TIA1: variants seen among roughly 807,000 people sequenced by gnomAD.
TIA1 encodes the protein cytotoxic granule associated RNA binding protein TIA1.
A neutral mutation model predicts 65.9 loss-of-function variants in TIA1; 23 were observed. The observed-to-expected ratio is 0.35, with a 90% CI of 0.25 to 0.49. The LOEUF (loss-of-function observed/expected upper bound fraction) is 0.49, where lower values mean the gene tolerates loss of function less well. TIA1 is among the 20% of genes least tolerant of loss of function. TIA1 has a pLI of 0.98. For synonymous variants in TIA1, 147 were observed against 149.4 expected, an observed-to-expected ratio of 0.98 and a Z score of 0.12; for missense variants, 371 against 477.9, an observed-to-expected ratio of 0.78 and a Z score of 2.09.
chr2:70,239,251 C>A (rs549311139), intron 1 of TIA1, among the ~76,000 whole-genome samples: 1 of 152,072 alleles, frequency 6.6e-6, no homozygotes, highest in Admixed American at 6.6e-5. Flanking sequence ...CGCCACCACG[C>A]CCGGCTAGTT....
intron 1 of TIA1, among the ~76,000 whole-genome samples, chr2:70,238,260 GTTTTTTTTTTTTTT>G (rs763865705): frequency 2.1e-5 from 2 of 94,616 alleles, no homozygotes; most frequent in African/African-American, 8.9e-5. Context: ...GTTCCCCCAA[GTTTTTTTTTTTTTT>G]TTTTTTTTTT....
intron 1 of TIA1, 26 bp from the exon 2 acceptor site, chr2:70,236,201 CCT>C (rs1491439500): frequency 4.8e-6 from 7 of 1,469,494 alleles, no homozygotes; most frequent in Non-Finnish European, 5.6e-6. Context: ...AAACAATTTA[CCT>C]TTTTTTTTTT....
chr2:70,247,186 A>G (rs1337272210), intron 1 of TIA1, among the ~76,000 whole-genome samples: 1 of 152,186 alleles, frequency 6.6e-6, no homozygotes, highest in Non-Finnish European at 1.5e-5. Flanking sequence ...CCTACTGAAA[A>G]GATACTTTCT....
intron 1 of TIA1, among the ~76,000 whole-genome samples, chr2:70,244,073 G>C (rs976666003): frequency 6.6e-6 from 1 of 152,024 alleles, no homozygotes; most frequent in African/African-American, 2.4e-5. Flanking sequence ...TTATCATTCT[G>C]ACCTCATTTC....
chr2:70,243,356 G>A (rs919540050), intron 1 of TIA1, among the ~76,000 whole-genome samples: 1 of 152,178 alleles, frequency 6.6e-6, no homozygotes, highest in Non-Finnish European at 1.5e-5. Context: ...GAGCCTGAGA[G>A]GTCGAGGCTA....
chr2:70,239,761 CAAAAG>C (rs1260210804), intron 1 of TIA1, among the ~76,000 whole-genome samples: 1 of 152,116 alleles, frequency 6.6e-6, no homozygotes, highest in Non-Finnish European at 1.5e-5. Flanking sequence ...TAATGGTACT[CAAAAG>C]AGAAAGTAAC....
intron 1 of TIA1, among the ~76,000 whole-genome samples, chr2:70,244,856 AAGAT>A (rs1693588249): frequency 2.7e-5 from 4 of 150,438 alleles, no homozygotes; most frequent in African/African-American, 9.8e-5. Context: ...AAAAAAAAAA[AAGAT>A]AGGTCTGATT....
At chr2:70,213,866 G>A (rs1185876365) in intron 12 of TIA1, among the ~76,000 whole-genome samples, 1 of 152,102 alleles carries the variant, frequency 6.6e-6, no homozygotes, top group Non-Finnish European at 1.5e-5. Flanking sequence ...TGGCCAGGCT[G>A]GTCGCAAACT....
chr2:70,234,908 A>C (rs1022719653), intron 2 of TIA1, among the ~76,000 whole-genome samples: 2 of 152,172 alleles, frequency 1.3e-5, no homozygotes, highest in Non-Finnish European at 2.9e-5. Context: ...GAACTGGAAT[A>C]CAACAGGAAA....
intron 6 of TIA1, among the ~76,000 whole-genome samples, chr2:70,226,424 G>A (rs1400610942): frequency 6.6e-6 from 1 of 152,076 alleles, no homozygotes; most frequent in African/African-American, 2.4e-5. Context: ...CACAATGTTA[G>A]AAAATTTTTT....
chr2:70,214,647 A>AC (rs1677792987), intron 11 of TIA1, among the ~76,000 whole-genome samples, 153 bp from the exon 12 acceptor site: 1 of 151,304 alleles, frequency 6.6e-6, no homozygotes, highest in Admixed American at 6.7e-5. Flanking sequence ...AAAAAAAAAA[A>AC]AAAAAAAAAA....
chr2:70,244,637 C>T (rs1693419164), intron 1 of TIA1, among the ~76,000 whole-genome samples: 1 of 151,836 alleles, frequency 6.6e-6, no homozygotes, highest in South Asian at 2.1e-4. Context: ...AGATCGAGAC[C>T]ATCCTGGCTA....
Position 70,211,098 on chromosome 2 carries a change from C to T in TIA1, c.*1621G>A, listed in dbSNP as rs1023130385. 34 of 152,240 alleles carry T rather than the reference C, an allele frequency of 2.2e-4. No homozygotes were observed. The highest frequency in any genetic ancestry group is 3.4e-3 in the Middle Eastern group (1 of 294). The allele number at this position is 152,240 out of a possible 1,614,324, so 9.4% of individuals were successfully genotyped here. ...CTGTTTCTAGGTAAAATGCAGGGAG[C>T]TCCCTGAAGGTCTTGAAAACCATCA... On this transcript the variant is annotated 3_prime_UTR_variant, in exon 13 of 13. Transcript: ENST00000433529.
intron 8 of TIA1, 62 bp from the exon 9 acceptor site, chr2:70,216,561 T>C (rs1238419744): frequency 1.0e-5 from 15 of 1,468,282 alleles, no homozygotes; most frequent in African/African-American, 2.8e-5. Context: ...AAGAGAAAAG[T>C]AGCATTCACT....
chr2:70,229,412 G>C (rs1325312381), intron 3 of TIA1, 94 bp from the exon 4 acceptor site: 1 of 1,070,092 alleles, frequency 9.3e-7, no homozygotes, highest in Non-Finnish European at 1.4e-6. Context: ...ATCTGTTTAA[G>C]ATGAAACACT....
intron 10 of TIA1, 24 bp downstream of exon 10, chr2:70,216,184 G>A (rs1553427071): frequency 6.7e-7 from 1 of 1,496,732 alleles, no homozygotes; most frequent in Non-Finnish European, 8.9e-7. Context: ...CAAGAAAAAT[G>A]TTTTTTTAAA....
rs1051707381 is a variant in TIA1, at chr2:70,212,238, A to G, written c.*481T>C. On this transcript the variant is annotated 3_prime_UTR_variant, in exon 13 of 13. Transcript: ENST00000433529. Reference sequence around the variant, plus strand: ...ACAGTGGAGATGGGACAGCTCAAACAATGCCTTTTTTTAACCTAAAACAGA... The same window carrying G: ...ACAGTGGAGATGGGACAGCTCAAACGATGCCTTTTTTTAACCTAAAACAGA... 3 of 153,658 alleles carry G rather than the reference A, an allele frequency of 2.0e-5. No homozygotes were observed. The highest frequency in any genetic ancestry group is 4.4e-5 in the Non-Finnish European group (3 of 68,654). The allele number at this position is 153,658 out of a possible 1,614,324, so 9.5% of individuals were successfully genotyped here.
At chr2:70,234,736 A>G (rs957081617) in intron 2 of TIA1, among the ~76,000 whole-genome samples, 7 of 151,976 alleles carry the variant, frequency 4.6e-5, no homozygotes. Flanking sequence ...TAATTTTGGT[A>G]TTTTTAGTAG....
Position 70,212,873 on chromosome 2 carries a change from G to A in TIA1, c.1035-28C>T, listed in dbSNP as rs199993142. 7.0e-5 allele frequency: 104 copies of A among 1,496,110 alleles called. No homozygotes were observed. In the African/African-American group the frequency reaches 1.2e-3, roughly 17 times the overall value. 92.7% of individuals were successfully genotyped at this position (1,496,110 alleles called of 1,614,324 possible). On this transcript the variant is annotated intron_variant, in intron 12 of 12. Transcript: ENST00000433529. ...GGTGGAGAATGTGAAAGAAGCAGAG[G>A]GGAGAGGAAATCCACTGATTAAAAT...
Sources: allele counts gnomAD v4.1 joint callset (sites outside exome capture counted in the v4.1 genomes callset), GRCh38; gene constraint gnomAD v4.1.1; transcripts MANE v1.5; gene names NCBI Gene and HGNC (gene_info 2026-07-23, HGNC 2026-07-21).